Variants in ETV6 observed in about 807,000 individuals in gnomAD.
ETV6 encodes transcription factor ETV6.
ETV6 carries 16 observed loss-of-function variants against 51.1 expected under a neutral mutation model. That is an observed-to-expected ratio of 0.31 (90% CI 0.21 to 0.48). The LOEUF (loss-of-function observed/expected upper bound fraction) is 0.48, where lower values mean the gene tolerates loss of function less well. Ranked by LOEUF, ETV6 falls within the 20% of genes least tolerant of loss-of-function variation. The pLI is 0.99. For missense variants in ETV6, 458 were observed against 594.8 expected (o/e 0.77, Z 2.39); for synonymous variants, 240 against 224.1 (o/e 1.07, Z -0.64).
At chr12:11,829,813 CTT>C (rs1555139551) in intron 2 of ETV6, among the ~76,000 whole-genome samples, 2 of 152,148 alleles carry the variant, frequency 1.3e-5, no homozygotes, top group Non-Finnish European at 2.9e-5. Context: ...CACTTGGAAA[CTT>C]AGTGCTGAGA....
chr12:11,800,634 C>A (rs900261974), intron 2 of ETV6, among the ~76,000 whole-genome samples: 4 of 152,116 alleles, frequency 2.6e-5, no homozygotes, highest in African/African-American at 9.7e-5. Context: ...TAATATATAT[C>A]TTTTCATTAC....
intron 2 of ETV6, among the ~76,000 whole-genome samples, chr12:11,775,699 C>G (rs971268189): frequency 6.6e-6 from 1 of 152,166 alleles, no homozygotes; most frequent in African/African-American, 2.4e-5. Context: ...CACACTGAGT[C>G]CACATTTATA....
At position 11,740,453 on chromosome 12, in the gene ETV6, G is replaced by C. The variant is rs559927775; in HGVS notation, c.34-11997G>C. 6.6e-5 allele frequency among the ~76,000 whole-genome samples: 10 copies of C among 152,304 alleles called. No homozygotes were observed. In the South Asian group the frequency reaches 1.7e-3, roughly 25 times the overall value. On this transcript the variant is annotated intron_variant, in intron 1 of 7. Transcript: ENST00000396373. ...CTTGATGCTGTAGCACGCTTTCACA[G>C]CTTGGTTTGCAAGTTGCTTTCTAAA...
At chr12:11,800,062 A>C (rs1420005826) in intron 2 of ETV6, among the ~76,000 whole-genome samples, 1 of 152,226 alleles carries the variant, frequency 6.6e-6, no homozygotes, top group African/African-American at 2.4e-5. Context: ...AGTTTCAAAA[A>C]TCTAAAGTCT....
intron 1 of ETV6, among the ~76,000 whole-genome samples, chr12:11,711,914 C>T (rs779209112): frequency 8.5e-5 from 13 of 152,302 alleles, no homozygotes; most frequent in Non-Finnish European, 1.6e-4. Flanking sequence ...AATCACTTTT[C>T]TCTATTTTTT....
chr12:11,718,320 A>G (rs1865316350), intron 1 of ETV6, among the ~76,000 whole-genome samples: 1 of 152,134 alleles, frequency 6.6e-6, no homozygotes, highest in Non-Finnish European at 1.5e-5. Context: ...ACAGCTTCCC[A>G]GACTTACAAG....
chr12:11,753,122 C>T (rs1866070208), intron 2 of ETV6, among the ~76,000 whole-genome samples: 1 of 152,026 alleles, frequency 6.6e-6, no homozygotes, highest in African/African-American at 2.4e-5. Context: ...CTTTCCTTCA[C>T]CTCCACTCTC....
At chr12:11,744,737 A>G (rs560736912) in intron 1 of ETV6, among the ~76,000 whole-genome samples, 3 of 152,302 alleles carry the variant, frequency 2.0e-5, no homozygotes, top group African/African-American at 7.2e-5. Flanking sequence ...AAATTTTCCC[A>G]TGCAGGTTCA....
chr12:11,848,732 G>A (rs1161183161), intron 3 of ETV6, among the ~76,000 whole-genome samples: 1 of 152,252 alleles, frequency 6.6e-6, no homozygotes, highest in Non-Finnish European at 1.5e-5. Flanking sequence ...CTGCGCAAGT[G>A]AAGGGCCCCG....
Position 11,662,197 on chromosome 12 carries a change from G to A in ETV6, c.33+12037G>A, listed in dbSNP as rs2541130. Among the ~76,000 whole-genome samples, 512 of 152,266 alleles carry A rather than the reference G, an allele frequency of 3.4e-3. 2 individuals are homozygous for A. Among genetic ancestry groups the A allele is most frequent in the Admixed American group, 6.1e-3 (93 of 15,302 alleles). Reference sequence around the variant, plus strand: ...AGCAAGTATATTTACTTATCTTTTGGGTGCAAGGCAGTTTGCCCTGCTGGG... The same window carrying A: ...AGCAAGTATATTTACTTATCTTTTGAGTGCAAGGCAGTTTGCCCTGCTGGG... On this transcript the variant is annotated intron_variant, in intron 1 of 7. Transcript: ENST00000396373.
intron 1 of ETV6, among the ~76,000 whole-genome samples, chr12:11,749,014 A>G (rs941382187): frequency 6.6e-6 from 1 of 152,074 alleles, no homozygotes. Context: ...GCTCATAGGT[A>G]TTACAATTGG....
chr12:11,823,244 A>G (rs570290806), intron 2 of ETV6, among the ~76,000 whole-genome samples: 1 of 152,238 alleles, frequency 6.6e-6, no homozygotes. Flanking sequence ...TGAAGATGCA[A>G]TTCATCACTG....
chr12:11,706,905 G>A (rs11613081), intron 1 of ETV6, among the ~76,000 whole-genome samples: 3,104 of 152,300 alleles, frequency 0.02, 39 homozygotes, highest in Middle Eastern at 0.037. Flanking sequence ...ACTTCACAGC[G>A]AACAGTTTGT....
At chr12:11,883,270 C>T (rs976937466) in intron 5 of ETV6, among the ~76,000 whole-genome samples, 26 of 14,678 alleles carry the variant, frequency 1.8e-3, no homozygotes, top group African/African-American at 3.9e-3. Context: ...TACATCATGT[C>T]TTCTTCTTTT....
intron 2 of ETV6, among the ~76,000 whole-genome samples, chr12:11,776,201 ATG>A (rs1267855595): frequency 6.6e-6 from 1 of 152,190 alleles, no homozygotes; most frequent in Admixed American, 6.5e-5. Flanking sequence ...ATCCTCAGTG[ATG>A]TTTTGATGAG....
chr12:11,730,987 C>T (rs1172970908), intron 1 of ETV6, among the ~76,000 whole-genome samples: 1 of 152,186 alleles, frequency 6.6e-6, no homozygotes, highest in African/African-American at 2.4e-5. Flanking sequence ...CCCCTCTACC[C>T]GATTCTAGGC....
At chr12:11,662,803 G>A (rs190344455) in intron 1 of ETV6, among the ~76,000 whole-genome samples, 2 of 152,168 alleles carry the variant, frequency 1.3e-5, no homozygotes, top group African/African-American at 4.8e-5. Context: ...AATTTTCTTC[G>A]CAGCCCTGGT....
At chr12:11,739,880 A>T (rs374447955) in intron 1 of ETV6, among the ~76,000 whole-genome samples, 42 of 152,338 alleles carry the variant, frequency 2.8e-4, no homozygotes, top group African/African-American at 1.0e-3. Context: ...CATCAGAAGC[A>T]TTATTGGACT....
At chr12:11,775,747 A>G (rs901019803) in intron 2 of ETV6, among the ~76,000 whole-genome samples, 1 of 152,218 alleles carries the variant, frequency 6.6e-6, no homozygotes, top group Non-Finnish European at 1.5e-5. Context: ...GGGCCAGGGA[A>G]CGTGATAAAC....
Sources: allele counts gnomAD v4.1 joint callset (sites outside exome capture counted in the v4.1 genomes callset), GRCh38; gene constraint gnomAD v4.1.1; transcripts MANE v1.5; gene names NCBI Gene and HGNC (gene_info 2026-07-23, HGNC 2026-07-21).